SPPL2C: variants seen among roughly 807,000 people sequenced by gnomAD.
SPPL2C encodes the protein signal peptide peptidase-like 2C.
Under a neutral mutation model 38.8 loss-of-function variants are expected in SPPL2C, and 33 were observed. The observed-to-expected ratio is 0.85, with a 90% confidence interval of 0.64 to 1.14. The LOEUF is 1.14. SPPL2C is among the 50% of genes most tolerant of loss of function. The pLI, the probability that SPPL2C is intolerant of heterozygous loss-of-function variation, is 0.00. For missense variants in SPPL2C, 899 were observed against 904.4 expected (o/e 0.99, Z 0.08); for synonymous variants, 384 against 390.7 (o/e 0.98, Z 0.20).
In SPPL2C at chr17:45,845,844, C is replaced by A; in HGVS notation, c.938C>A (p.Pro313Gln). Residue 313 changes from proline (P) to glutamine (Q), a missense_variant, in exon 1 of 1, where the codon CCG (proline) becomes CAG (glutamine). Physicochemically the swap from Pro to Gln is moderately conservative, Grantham distance 76. Coordinates refer to ENST00000329196, the MANE Select transcript of SPPL2C (RefSeq NM_175882.3). ...RLSLRQYQRP[P>Q]HSLWASLPLP... ...TCCCTGCGGCAATACCAGAGGCCTC[C>A]GCACAGCCTCTGGGCCTCTCTGCCG... 1 of 1,606,024 alleles carries A rather than the reference C, an allele frequency of 6.2e-7. No homozygotes were observed. Among genetic ancestry groups the A allele is most frequent in the Non-Finnish European group, 8.5e-7 (1 of 1,179,940 alleles).
In SPPL2C at chr17:45,845,884, GC is replaced by G. The variant is rs2062538676; in HGVS notation, c.979del (p.Leu327TrpfsTer8). 6.2e-7 allele frequency: 1 copy of G among 1,605,840 alleles called. No individual in the cohort carries two copies. The highest frequency in any genetic ancestry group is 1.3e-5 in the African/African-American group (1 of 74,932). On this transcript the variant is annotated frameshift_variant, in exon 1 of 1. Transcript: ENST00000329196. LOFTEE classifies it high-confidence loss of function. ...CCTCTCTGCCGCTGCCTCTGCTGCTGCTGGCGAGCCTGTGCGCAACCGTGAT... is the reference window on the plus strand; with the variant it reads ...CCTCTCTGCCGCTGCCTCTGCTGCTGTGGCGAGCCTGTGCGCAACCGTGAT... ...WASLPLPLLL[L>X]ASLCATVIIF...
Position 45,846,341 on chromosome 17 carries a change from G to T in SPPL2C, c.1435G>T (p.Ala479Ser), listed in dbSNP as rs2062546274. 8.1e-6 allele frequency: 13 copies of T among 1,613,934 alleles called. No individual in the cohort carries two copies. Among genetic ancestry groups the T allele is most frequent in the African/African-American group, 2.7e-5 (2 of 74,898 alleles). ...RQIYFVACTVAYAVGLLVTFM... is the reference protein window; with the variant it reads ...RQIYFVACTVSYAVGLLVTFM... ...GATCTACTTCGTGGCCTGCACCGTG[G>T]CCTATGCTGTGGGCCTGCTGGTCAC... The change falls in exon 1 of 1, where the codon GCC becomes TCC. Residue 479 changes from alanine to serine, a missense_variant. By Grantham distance (99) the Ala-to-Ser change is moderately conservative (BLOSUM62 1). Transcript: ENST00000329196.
Position 45,846,113 on chromosome 17 carries a change from A to T in SPPL2C, c.1207A>T (p.Ile403Phe), listed in dbSNP as rs748221472. ...TPFFTKTGES[I>F]MAQVALGPAE... ...CTTCTTCACCAAAACCGGTGAGAGC[A>T]TCATGGCGCAGGTTGCCTTGGGCCC... is the stretch of plus-strand genomic sequence containing the variant. Residue 403 changes from isoleucine to phenylalanine, a missense_variant, in exon 1 of 1, where the codon ATC (isoleucine) becomes TTC (phenylalanine). Coordinates refer to ENST00000329196, the MANE Select transcript of SPPL2C (RefSeq NM_175882.3). 1.2e-6 allele frequency: 2 copies of T among 1,614,006 alleles called. No individual in the cohort carries two copies. Among genetic ancestry groups the T allele is most frequent in the South Asian group, 2.2e-5 (2 of 91,076 alleles).
In SPPL2C at chr17:45,845,404, T is replaced by C; in HGVS notation, c.498T>C (p.Arg166=). 6.2e-7 allele frequency: 1 copy of C among 1,613,454 alleles called. No individual in the cohort carries two copies. Among genetic ancestry groups the C allele is most frequent in the Middle Eastern group, 1.6e-4 (1 of 6,062 alleles). Residue 166 remains arginine (R), a synonymous_variant, in exon 1 of 1, where the codon CGT becomes CGC. Coordinates refer to ENST00000329196, the MANE Select transcript of SPPL2C (RefSeq NM_175882.3). ...TGCTGGACATCCTCAGCCACACTCG[T>C]GGGGAGGCCGTCGTCCGCGTGGCCA... is the stretch of plus-strand genomic sequence containing the variant. ...ADMLDILSHT[R]GEAVVRVAMY... is the part of the protein sequence containing the mutation.
rs748704800 is a variant in SPPL2C at position 45,846,750 on chromosome 17, C to T, written c.1844C>T (p.Pro615Leu). Residue 615 changes from proline (P) to leucine (L), a missense_variant, in exon 1 of 1, where the codon CCC (proline) becomes CTC (leucine). Pro to Leu is a moderately conservative substitution (Grantham distance 98). Coordinates refer to ENST00000329196, the MANE Select transcript of SPPL2C (RefSeq NM_175882.3). ...SDAHLDPNELPFIPPGASEEL... is the reference protein window; with the variant it reads ...SDAHLDPNELLFIPPGASEEL... ...GCCCACTTGGATCCTAATGAGCTGC[C>T]CTTCATCCCCCCTGGGGCCTCGGAG... The T allele has an allele frequency of 2.5e-6, 4 of 1,614,192 alleles. No homozygotes were observed. The highest frequency in any genetic ancestry group is 3.4e-6 in the Non-Finnish European group (4 of 1,180,046).
chr17:45,845,662 G>A lies in SPPL2C; in HGVS notation c.756G>A (p.Thr252=), dbSNP rs150854154. 1.1e-4 allele frequency: 176 copies of A among 1,613,688 alleles called. No individual in the cohort carries two copies. The African/African-American group carries it at 1.8e-3, about 16-fold the overall frequency. ...EDNEDIPVDF[T]PAMTGVVVTL... ...ATGAGGACATCCCAGTGGACTTCAC[G>A]CCGGCCATGACAGGCGTGGTGGTCA... is the stretch of plus-strand genomic sequence containing the variant. The change falls in exon 1 of 1, where the codon ACG becomes ACA. Residue 252 remains threonine (T), a synonymous_variant. Coordinates refer to ENST00000329196, the MANE Select transcript of SPPL2C (RefSeq NM_175882.3).
Position 45,846,399 on chromosome 17 carries a change from A to G in SPPL2C, c.1493A>G (p.Gln498Arg), listed in dbSNP as rs187991506. ...FMAMVLMQMG[Q>R]PALLYLVSST... ...GCCATGGTCCTCATGCAGATGGGCC[A>G]ACCTGCCTTGCTCTACCTAGTGTCC... Residue 498 changes from glutamine (Q) to arginine (R), a missense_variant, in exon 1 of 1, where the codon CAA becomes CGA. Gln to Arg is a conservative substitution (Grantham distance 43, BLOSUM62 1). Transcript: ENST00000329196. The G allele has an allele frequency of 4.3e-6, 7 of 1,613,526 alleles. No individual in the cohort carries two copies. In the East Asian group the frequency reaches 1.1e-4, roughly 26 times the overall value.
At position 45,846,117 on chromosome 17, in the gene SPPL2C, T is replaced by A; in HGVS notation, c.1211T>A (p.Met404Lys). 1 of 1,614,184 alleles carries A rather than the reference T, an allele frequency of 6.2e-7. No homozygotes were observed. Among genetic ancestry groups the A allele is most frequent in the Non-Finnish European group, 8.5e-7 (1 of 1,180,026 alleles). ...TTCACCAAAACCGGTGAGAGCATCATGGCGCAGGTTGCCTTGGGCCCTGCA... is the reference window on the plus strand; with the variant it reads ...TTCACCAAAACCGGTGAGAGCATCAAGGCGCAGGTTGCCTTGGGCCCTGCA... ...PFFTKTGESI[M>K]AQVALGPAES... The change falls in exon 1 of 1, where the codon ATG becomes AAG. Residue 404 changes from methionine (M) to lysine (K), a missense_variant. Met to Lys is a moderately conservative substitution (Grantham distance 95, BLOSUM62 -1). Coordinates refer to ENST00000329196, the MANE Select transcript of SPPL2C (RefSeq NM_175882.3).
rs1299210493 is a variant in SPPL2C, at chr17:45,845,989, G to A, written c.1083G>A (p.Leu361=). The A allele has an allele frequency of 3.1e-6, 5 of 1,613,002 alleles. No homozygotes were observed. The highest frequency in any genetic ancestry group is 2.2e-5 in the East Asian group (1 of 44,896). ...ACACACTGGGCATTTCCTACTGCCT[G>A]TTCGTCCTGCACCGTGTGCGGCTGC... is the stretch of plus-strand genomic sequence containing the variant. ...LQDTLGISYC[L]FVLHRVRLPT... is the part of the protein sequence containing the mutation. The change falls in exon 1 of 1, where the codon CTG becomes CTA. Residue 361 remains leucine (L), a synonymous_variant. Transcript: ENST00000329196.
rs1329879167 is a variant in SPPL2C at position 45,846,665 on chromosome 17, T to G, written c.1759T>G (p.Ser587Ala). The change falls in exon 1 of 1, where the codon TCT becomes GCT. Residue 587 changes from serine (S) to alanine (A), a missense_variant. By Grantham distance (99) the Ser-to-Ala change is moderately conservative. Transcript: ENST00000329196. Reference sequence around the variant, plus strand: ...AGACACCACTGAGATTGTCACCATATCTGAGAATGAAGCCACCAATCCAGA... The same window carrying G: ...AGACACCACTGAGATTGTCACCATAGCTGAGAATGAAGCCACCAATCCAGA... ...GEDTTEIVTI[S>A]ENEATNPEDR... 6.2e-7 allele frequency: 1 copy of G among 1,614,188 alleles called. No individual in the cohort carries two copies. Among genetic ancestry groups the G allele is most frequent in the Admixed American group, 1.7e-5 (1 of 60,034 alleles).
chr17:45,846,224 C>A lies in SPPL2C; in HGVS notation c.1318C>A (p.Pro440Thr). 1 of 1,614,100 alleles carries A rather than the reference C, an allele frequency of 6.2e-7. No homozygotes were observed. The highest frequency in any genetic ancestry group is 2.2e-5 in the East Asian group (1 of 44,896). The change falls in exon 1 of 1, where the codon CCC (proline) becomes ACC (threonine). Residue 440 changes from proline to threonine, a missense_variant. Coordinates refer to ENST00000329196, the MANE Select transcript of SPPL2C (RefSeq NM_175882.3). ...CTCCGCCTTGACCCTGTGCAGCCAGCCCTTCTCCATCCTTGGCTTCGGTGA... is the reference window on the plus strand; with the variant it reads ...CTCCGCCTTGACCCTGTGCAGCCAGACCTTCTCCATCCTTGGCTTCGGTGA... The part of the protein sequence containing the change: ...RVSALTLCSQ[P>T]FSILGFGDIV...
In SPPL2C at chr17:45,845,738, G is replaced by T. The variant is rs745379513; in HGVS notation, c.832G>T (p.Val278Phe). The T allele has an allele frequency of 6.2e-6, 10 of 1,613,362 alleles. No homozygotes were observed. In the South Asian group the frequency reaches 8.8e-5, roughly 14 times the overall value. ...GCTCTACTTCTTCTATGACCACTTT[G>T]TCTATGTCACCATTGGGATCTTTGG... ...LLLYFFYDHF[V>F]YVTIGIFGLG... Residue 278 changes from valine (V) to phenylalanine (F), a missense_variant, in exon 1 of 1, where the codon GTC becomes TTC. Physicochemically the swap from Val to Phe is conservative, Grantham distance 50 (BLOSUM62 -1). Coordinates refer to ENST00000329196, the MANE Select transcript of SPPL2C (RefSeq NM_175882.3).
In SPPL2C at chr17:45,845,780, G is replaced by A; in HGVS notation, c.874G>A (p.Gly292Ser). 6.2e-7 allele frequency: 1 copy of A among 1,610,884 alleles called. No individual in the cohort carries two copies. Among genetic ancestry groups the A allele is most frequent in the Non-Finnish European group, 8.5e-7 (1 of 1,179,970 alleles). ...GATCTTTGGCCTGGGTGCTGGCATT[G>A]GCCTCTACAGCTGCCTGTCACCCCT... ...IGIFGLGAGI[G>S]LYSCLSPLVC... Residue 292 changes from glycine to serine, a missense_variant, in exon 1 of 1, where the codon GGC becomes AGC. By Grantham distance (56) the Gly-to-Ser change is moderately conservative (BLOSUM62 0). Coordinates refer to ENST00000329196, the MANE Select transcript of SPPL2C (RefSeq NM_175882.3).
chr17:45,845,800 A>G lies in SPPL2C; in HGVS notation c.894A>G (p.Ser298=). 6.2e-7 allele frequency: 1 copy of G among 1,609,272 alleles called. No homozygotes were observed. The highest frequency in any genetic ancestry group is 8.5e-7 in the Non-Finnish European group (1 of 1,179,902). Residue 298 remains serine (S), a synonymous_variant, in exon 1 of 1, where the codon TCA becomes TCG. Transcript: ENST00000329196. ...GCATTGGCCTCTACAGCTGCCTGTC[A>G]CCCCTGGTGTGCCGCCTGTCCCTGC... The part of the protein sequence containing the change: ...GAGIGLYSCL[S]PLVCRLSLRQ...
rs1032684093 is a variant in SPPL2C at position 45,845,095 on chromosome 17, T to C, written c.189T>C (p.Asp63=). ...LHHAPLLPLY[D]GTKAPWCPGE... ...ACGCCCCACTCCTGCCCCTGTATGA[T>C]GGCACCAAGGCACCCTGGTGCCCGG... The change falls in exon 1 of 1, where the codon GAT becomes GAC. Residue 63 remains aspartate (D), a synonymous_variant. Coordinates refer to ENST00000329196, the MANE Select transcript of SPPL2C (RefSeq NM_175882.3). 3.1e-6 allele frequency: 5 copies of C among 1,613,520 alleles called. No individual in the cohort carries two copies. The highest frequency in any genetic ancestry group is 4.2e-6 in the Non-Finnish European group (5 of 1,179,592).
rs369468704 is a variant in SPPL2C, at chr17:45,846,325, C to G, written c.1419C>G (p.Phe473Leu). 5 of 1,614,042 alleles carry G rather than the reference C, an allele frequency of 3.1e-6. No individual in the cohort carries two copies. In the East Asian group the frequency reaches 6.7e-5, roughly 22 times the overall value. Reference protein sequence around the residue: ...DVQVCSRQIYFVACTVAYAVG... With the variant: ...DVQVCSRQIYLVACTVAYAVG... The stretch of plus-strand genomic sequence containing the variant: ...AAGTCTGCTCCCGTCAGATCTACTT[C>G]GTGGCCTGCACCGTGGCCTATGCTG... The change falls in exon 1 of 1, where the codon TTC becomes TTG. Residue 473 changes from phenylalanine to leucine, a missense_variant. By Grantham distance (22) the Phe-to-Leu change is conservative (BLOSUM62 0). Transcript: ENST00000329196.
Position 45,846,005 on chromosome 17 carries a change from G to A in SPPL2C, c.1099G>A (p.Val367Met). ...ISYCLFVLHR[V>M]RLPTLKNCSS... ...CTACTGCCTGTTCGTCCTGCACCGT[G>A]TGCGGCTGCCCACTCTCAAGAACTG... is the stretch of plus-strand genomic sequence containing the variant. The change falls in exon 1 of 1, where the codon GTG (valine) becomes ATG (methionine). Residue 367 changes from valine to methionine, a missense_variant. By Grantham distance (21) the Val-to-Met change is conservative. Transcript: ENST00000329196. 2 of 1,613,854 alleles carry A rather than the reference G, an allele frequency of 1.2e-6. No individual in the cohort carries two copies. Among genetic ancestry groups the A allele is most frequent in the Non-Finnish European group, 1.7e-6 (2 of 1,180,032 alleles).
rs2062530219 is a variant in SPPL2C, at chr17:45,845,476, C to T, written c.570C>T (p.Ile190=). The change falls in exon 1 of 1, where the codon ATC becomes ATT. Residue 190 remains isoleucine, a synonymous_variant. Coordinates refer to ENST00000329196, the MANE Select transcript of SPPL2C (RefSeq NM_175882.3). ...EPIIDYNMLV[I]FILAVGTVAA... is the part of the protein sequence containing the mutation. ...TCATCGACTACAACATGCTGGTCATCTTCATCCTGGCTGTGGGCACAGTGG... is the reference window on the plus strand; with the variant it reads ...TCATCGACTACAACATGCTGGTCATTTTCATCCTGGCTGTGGGCACAGTGG... 1 of 1,608,530 alleles carries T rather than the reference C, an allele frequency of 6.2e-7. No individual in the cohort carries two copies. Among genetic ancestry groups the T allele is most frequent in the South Asian group, 1.1e-5 (1 of 91,054 alleles).
rs1431127546 is a variant in SPPL2C, at chr17:45,845,480, A to G, written c.574A>G (p.Ile192Val). 1.9e-6 allele frequency: 3 copies of G among 1,607,820 alleles called. No homozygotes were observed. Among genetic ancestry groups the G allele is most frequent in the Non-Finnish European group, 1.7e-6 (2 of 1,178,780 alleles). Residue 192 changes from isoleucine (I) to valine (V), a missense_variant, in exon 1 of 1, where the codon ATC becomes GTC. Physicochemically the swap from Ile to Val is conservative, Grantham distance 29. Transcript: ENST00000329196. ...IIDYNMLVIF[I>V]LAVGTVAAGG... ...CGACTACAACATGCTGGTCATCTTC[A>G]TCCTGGCTGTGGGCACAGTGGCTGC...
Sources: gnomAD v4.1 joint callset for allele counts on GRCh38, gnomAD v4.1.1 for gene constraint, MANE v1.5 for transcripts, NCBI Gene and HGNC (gene_info 2026-07-23, HGNC 2026-07-21) for gene names.